CHRM3: variants seen among roughly 807,000 people sequenced by gnomAD.
CHRM3 encodes the protein muscarinic acetylcholine receptor M3.
In CHRM3, 11 loss-of-function variants were observed where a neutral mutation model predicts 41.8. That is an observed-to-expected ratio of 0.26 (90% confidence interval 0.17 to 0.44). CHRM3 has a LOEUF of 0.44. CHRM3 is among the 20% of genes least tolerant of loss of function. CHRM3 has a pLI of 1.00. For missense variants in CHRM3, 571 were observed against 745.4 expected (o/e 0.77, Z 2.72); for synonymous variants, 297 against 301.4 (o/e 0.99, Z 0.15).
intron 2 of CHRM3, among the ~76,000 whole-genome samples, chr1:239,529,609 C>CAAAAA (rs74990447): frequency 7.2e-5 from 8 of 110,822 alleles, no homozygotes; most frequent in African/African-American, 1.1e-4. Context: ...GACTCCGTCT[C>CAAAAA]AAAAAAAAAA....
At chr1:239,525,832 G>C (rs971589957) in intron 2 of CHRM3, among the ~76,000 whole-genome samples, 7 of 152,174 alleles carry the variant, frequency 4.6e-5, no homozygotes, top group African/African-American at 1.7e-4. Flanking sequence ...TCCACAGCCT[G>C]TTGCTTCCCC....
intron 4 of CHRM3, among the ~76,000 whole-genome samples, chr1:239,648,604 A>G (rs948821404): frequency 5.3e-5 from 8 of 151,696 alleles, no homozygotes; most frequent in African/African-American, 1.9e-4. Context: ...GGAGCGAGCA[A>G]AAGGGAATAT....
chr1:239,746,909 C>T (rs1665412174), intron 5 of CHRM3, among the ~76,000 whole-genome samples: 1 of 152,020 alleles, frequency 6.6e-6, no homozygotes. Flanking sequence ...AGGTGCGTGC[C>T]ACCAACCCCA....
intron 4 of CHRM3, among the ~76,000 whole-genome samples, chr1:239,650,970 T>C (rs1046298786): frequency 1.3e-5 from 2 of 152,190 alleles, no homozygotes; most frequent in African/African-American, 4.8e-5. Context: ...ATATGTAAAT[T>C]TGTAAGTATA....
chr1:239,415,337 G>T (rs1177626813), intron 1 of CHRM3, among the ~76,000 whole-genome samples: 1 of 152,148 alleles, frequency 6.6e-6, no homozygotes, highest in African/African-American at 2.4e-5. Flanking sequence ...CTACTCGGGA[G>T]GCTGAGGCAG....
chr1:239,750,388 T>C (rs1357668164), intron 5 of CHRM3, among the ~76,000 whole-genome samples: 1 of 152,234 alleles, frequency 6.6e-6, no homozygotes, highest in Non-Finnish European at 1.5e-5. Flanking sequence ...TGTAATCAAA[T>C]GTAGTTTTGC....
rs530657556 is a variant in CHRM3 at position 239,465,849 on chromosome 1, TC to T, written c.-520-26857del. On this transcript the variant is annotated intron_variant, in intron 1 of 6. Coordinates refer to ENST00000676153, the MANE Select transcript of CHRM3 (RefSeq NM_001375978.1). ...ATGTAAAAGTTACATCTCCCCTGCT[TC>T]CCTGTCTACCTCTTCCACCTCTTTC... 2.1e-3 allele frequency among the ~76,000 whole-genome samples: 316 copies of T among 152,214 alleles called. 7 individuals are homozygous for T. The highest frequency in any genetic ancestry group is 3.5e-4 in the Non-Finnish European group (24 of 68,018).
At chr1:239,851,073 C>G (rs1397352105) in intron 6 of CHRM3, among the ~76,000 whole-genome samples, 1 of 152,064 alleles carries the variant, frequency 6.6e-6, no homozygotes, top group Non-Finnish European at 1.5e-5. Flanking sequence ...CAGAGCTAAC[C>G]TAGCTTAGGA....
chr1:239,563,566 G>T (rs543077784), intron 3 of CHRM3, among the ~76,000 whole-genome samples: 9 of 152,164 alleles, frequency 5.9e-5, no homozygotes, highest in African/African-American at 2.2e-4. Flanking sequence ...TTCCAAATAG[G>T]TTCACAGAAT....
At chr1:239,404,418 G>GAA (rs1351034689) in intron 1 of CHRM3, among the ~76,000 whole-genome samples, 46 of 80,318 alleles carry the variant, frequency 5.7e-4, no homozygotes, top group African/African-American at 7.2e-4. Flanking sequence ...GAAAAAGAAA[G>GAA]AAAGAAAGAA....
intron 5 of CHRM3, among the ~76,000 whole-genome samples, chr1:239,739,812 T>C (rs1392998053): frequency 6.6e-6 from 1 of 152,210 alleles, no homozygotes; most frequent in Non-Finnish European, 1.5e-5. Flanking sequence ...TCTAAAGATA[T>C]TGATACATTT....
At chr1:239,515,944 G>A (rs1796833) in intron 2 of CHRM3, among the ~76,000 whole-genome samples, 72,477 of 152,032 alleles carry the variant, frequency 0.48, 17,909 homozygotes, top group Middle Eastern at 0.65. Context: ...TTCTGGCTTC[G>A]TTGTTGAATG....
intron 3 of CHRM3, among the ~76,000 whole-genome samples, chr1:239,591,953 C>A (rs1313448924): frequency 6.6e-6 from 1 of 152,132 alleles, no homozygotes; most frequent in Non-Finnish European, 1.5e-5. Flanking sequence ...AGTTCAGAGG[C>A]CTTGATTGGC....
At chr1:239,876,833 C>A (rs767647549) in intron 6 of CHRM3, among the ~76,000 whole-genome samples, 36 of 152,200 alleles carry the variant, frequency 2.4e-4, no homozygotes, top group Non-Finnish European at 4.9e-4. Flanking sequence ...TTACTCAGCA[C>A]TCACTTCATG....
rs150589365 is a variant in CHRM3 at position 239,435,307 on chromosome 1, G to A, written c.-521+48080G>A. 8.8e-3 allele frequency among the ~76,000 whole-genome samples: 1,338 copies of A among 152,008 alleles called. 14 individuals are homozygous for A. Among genetic ancestry groups the A allele is most frequent in the African/African-American group, 0.03 (1,265 of 41,484 alleles). ...TCTACTAAAAATACAAAAATCAGCCGGGTGTGGTGGCGGGTGCCTGTAGTC... is the reference window on the plus strand; with the variant it reads ...TCTACTAAAAATACAAAAATCAGCCAGGTGTGGTGGCGGGTGCCTGTAGTC... On this transcript the variant is annotated intron_variant, in intron 1 of 6. Transcript: ENST00000676153.
At chr1:239,548,249 A>G (rs1486554277) in intron 3 of CHRM3, among the ~76,000 whole-genome samples, 1 of 152,206 alleles carries the variant, frequency 6.6e-6, no homozygotes, top group Admixed American at 6.5e-5. Context: ...GGCAATATTT[A>G]GAGTCAAGAG....
At chr1:239,661,783 G>T (rs1242701510) in intron 4 of CHRM3, among the ~76,000 whole-genome samples, 2 of 152,120 alleles carry the variant, frequency 1.3e-5, no homozygotes, top group East Asian at 3.9e-4. Context: ...ACAACACGGA[G>T]AGTGAACCCT....
chr1:239,605,146 G>T (rs2148711430), intron 3 of CHRM3, among the ~76,000 whole-genome samples: 1 of 152,262 alleles, frequency 6.6e-6, no homozygotes, highest in Non-Finnish European at 1.5e-5. Flanking sequence ...TGATTGCTAG[G>T]AAGAGCCACA....
chr1:239,750,581 C>T (rs1481792020), intron 5 of CHRM3, among the ~76,000 whole-genome samples: 1 of 152,164 alleles, frequency 6.6e-6, no homozygotes, highest in African/African-American at 2.4e-5. Context: ...TGAACTGTAA[C>T]CTAACAGGAT....
Sources: allele counts gnomAD v4.1 joint callset (sites outside exome capture counted in the v4.1 genomes callset), GRCh38; gene constraint gnomAD v4.1.1; transcripts MANE v1.5; gene names NCBI Gene and HGNC (gene_info 2026-07-23, HGNC 2026-07-21).